AACS: variants seen among roughly 807,000 people sequenced by gnomAD.
The protein encoded by AACS is acetoacetyl-CoA synthetase.
In AACS, 69 loss-of-function variants were observed where a neutral mutation model predicts 83.1. The observed-to-expected ratio is 0.83, with a 90% CI of 0.68 to 1.01. The LOEUF is 1.01. Ranked by LOEUF, AACS falls within the 50% of genes least tolerant of loss-of-function variation. The probability of loss-of-function intolerance (pLI) is 0.00; values close to 1 mark genes in which losing one functional copy is unlikely to be tolerated. For missense variants in AACS, 866 were observed against 882.2 expected (o/e 0.98, Z 0.23); for synonymous variants, 333 against 343.4 (o/e 0.97, Z 0.33).
intron 3 of AACS, 136 bp from the exon 4 acceptor site, chr12:125,086,194 G>GTTCC: frequency 1.4e-6 from 1 of 698,384 alleles, no homozygotes; most frequent in South Asian, 1.9e-5. Context: ...TCTTGCTTGT[G>GTTCC]TTCCCTGCGT....
In AACS at chr12:125,104,842, G is replaced by A. The variant is rs1410832989; in HGVS notation, c.767+1761G>A. On this transcript the variant is annotated intron_variant, in intron 7 of 17. Transcript: ENST00000316519. ...GCTATAAAGAAATACCTGAGACTGG[G>A]TAATTTATAAGAAAAGAGGTTTAAT... 2.6e-5 allele frequency among the ~76,000 whole-genome samples: 4 copies of A among 152,318 alleles called. No homozygotes were observed. In the East Asian group the frequency reaches 5.8e-4, roughly 22 times the overall value.
intron 16 of AACS, among the ~76,000 whole-genome samples, chr12:125,136,345 C>T (rs960858422): frequency 1.2e-4 from 19 of 152,216 alleles, no homozygotes; most frequent in African/African-American, 3.9e-4. Context: ...CCACCATGCC[C>T]GGCCCTCTTT....
intron 8 of AACS, among the ~76,000 whole-genome samples, chr12:125,107,679 T>C (rs1379772767): frequency 6.6e-6 from 1 of 152,174 alleles, no homozygotes; most frequent in Non-Finnish European, 1.5e-5. Context: ...ATTAGCGCAG[T>C]GCCAGACGCA....
intron 4 of AACS, 150 bp from the exon 5 acceptor site, chr12:125,091,276 A>C: frequency 2.8e-6 from 2 of 706,630 alleles, no homozygotes; most frequent in South Asian, 3.4e-5. Flanking sequence ...CAGGCGATTC[A>C]TCTGGGCGGG....
Position 125,065,681 on chromosome 12 carries a change from C to G in AACS, c.97C>G (p.Arg33Gly). The change falls in exon 1 of 18, where the codon CGG (arginine) becomes GGG (glycine). Residue 33 changes from arginine (R) to glycine (G), a missense_variant. Physicochemically the swap from Arg to Gly is moderately radical, Grantham distance 125. Coordinates refer to ENST00000316519, the MANE Select transcript of AACS (RefSeq NM_023928.5). Reference protein sequence around the residue: ...SKKNTQMDRFRAAVGAACGLA... With the variant: ...SKKNTQMDRFGAAVGAACGLA... The stretch of plus-strand genomic sequence containing the variant: ...GAAGAACACGCAGATGGACCGCTTC[C>G]GGGCGGCTGTGGGCGCCGCCTGCGG... 6.5e-7 allele frequency: 1 copy of G among 1,544,892 alleles called. No homozygotes were observed. Among genetic ancestry groups the G allele is most frequent in the East Asian group, 2.5e-5 (1 of 40,128 alleles).
At chr12:125,107,087 T>C (rs776717043) in intron 7 of AACS, 34 bp from the exon 8 acceptor site, 29 of 1,613,492 alleles carry the variant, frequency 1.8e-5, no homozygotes, top group African/African-American at 2.7e-5. Context: ...TTCTGGGACG[T>C]TCATGGCGTG....
chr12:125,084,412 TC>T (rs1956279502), intron 3 of AACS, among the ~76,000 whole-genome samples: 1 of 151,722 alleles, frequency 6.6e-6, no homozygotes, highest in Non-Finnish European at 1.5e-5. Flanking sequence ...TTCCTTTCTT[TC>T]CTTTCTTTTC....
intron 3 of AACS, among the ~76,000 whole-genome samples, chr12:125,080,641 C>CTT (rs35100220): frequency 1 from 151,741 of 152,070 alleles, 75,707 homozygotes; most frequent in Middle Eastern, 1. Context: ...CATCTCTTCT[C>CTT]TTAAGTATTT....
At chr12:125,076,427 T>A (rs1565922824) in intron 2 of AACS, 64 bp from the exon 3 acceptor site, 3 of 1,578,840 alleles carry the variant, frequency 1.9e-6, no homozygotes, top group Non-Finnish European at 2.6e-6. Flanking sequence ...CATAGTCTCA[T>A]GTTTTGCTGA....
chr12:125,100,158 G>A (rs1956685316), intron 5 of AACS, among the ~76,000 whole-genome samples: 2 of 152,214 alleles, frequency 1.3e-5, no homozygotes, highest in East Asian at 3.9e-4. Flanking sequence ...TGGGATTACA[G>A]GTGCCCTGCT....
chr12:125,141,977 T>G (rs1394674424), intron 17 of AACS, 115 bp from the exon 18 acceptor site: 3 of 1,353,374 alleles, frequency 2.2e-6, no homozygotes, highest in East Asian at 4.6e-5. Context: ...CCGAGACCCA[T>G]TCACTCTTGG....
Position 125,113,760 on chromosome 12 carries a change from G to A in AACS, c.916-717G>A, listed in dbSNP as rs1956996391. On this transcript the variant is annotated intron_variant, in intron 8 of 17. Coordinates refer to ENST00000316519, the MANE Select transcript of AACS (RefSeq NM_023928.5). The surrounding 1 kb of genome is among the most constrained non-coding windows in gnomAD (Gnocchi z 4.8). ...GAAAGACGTTCACAGGAAACTGCTAGGACCGGCTGCCTCTTGGGAGAACTG... is the reference window on the plus strand; with the variant it reads ...GAAAGACGTTCACAGGAAACTGCTAAGACCGGCTGCCTCTTGGGAGAACTG... Among the ~76,000 whole-genome samples, 1 of 152,208 alleles carries A rather than the reference G, an allele frequency of 6.6e-6. No individual in the cohort carries two copies. The highest frequency in any genetic ancestry group is 1.5e-5 in the Non-Finnish European group (1 of 68,038).
intron 15 of AACS, 127 bp from the exon 16 acceptor site, chr12:125,134,667 G>A (rs554935975): frequency 4.6e-5 from 44 of 954,806 alleles, no homozygotes; most frequent in African/African-American, 4.2e-4. Context: ...GCTGGGGAGC[G>A]GAGTGTCCGT....
intron 2 of AACS, 107 bp from the exon 3 acceptor site, chr12:125,076,384 C>A: frequency 6.7e-7 from 1 of 1,489,442 alleles, no homozygotes; most frequent in Non-Finnish European, 9.1e-7. Context: ...AGCTGGCTTC[C>A]TGGGAAGAAG....
chr12:125,086,480 G>T, intron 4 of AACS, 37 bp downstream of exon 4: 1 of 1,592,882 alleles, frequency 6.3e-7, no homozygotes, highest in Non-Finnish European at 8.6e-7. Flanking sequence ...TTTGAGGGAG[G>T]AGACCAAGGT....
rs1256551327 is a variant in AACS at position 125,123,282 on chromosome 12, A to AGG, written c.1122-1422_1122-1421insGG. Reference sequence around the variant, plus strand: ...TGCTCAGGGCCGGGTGATCACCATTAGAGTCATGAGGTCTCCATCCTCTGT... The same window carrying AGG: ...TGCTCAGGGCCGGGTGATCACCATTAGGGAGTCATGAGGTCTCCATCCTCTGT... On this transcript the variant is annotated intron_variant, in intron 10 of 17. Transcript: ENST00000316519. The AGG allele has an allele frequency of 6.9e-4, 105 of 152,388 alleles. 3 individuals are homozygous for AGG. In the East Asian group the frequency reaches 0.016, roughly 23 times the overall value. 9.4% of individuals were successfully genotyped at this position (152,388 alleles called of 1,614,324 possible).
chr12:125,088,081 C>G (rs988961205), intron 4 of AACS, among the ~76,000 whole-genome samples: 4 of 152,104 alleles, frequency 2.6e-5, no homozygotes, highest in African/African-American at 9.7e-5. Context: ...TGTTTGTGTG[C>G]GTGTGTTCTC....
intron 1 of AACS, among the ~76,000 whole-genome samples, chr12:125,071,217 G>C (rs1468192498): frequency 6.6e-6 from 1 of 152,182 alleles, no homozygotes; most frequent in East Asian, 1.9e-4. Flanking sequence ...TTCTCCTGGA[G>C]CAGGTGACCC....
intron 7 of AACS, among the ~76,000 whole-genome samples, chr12:125,103,975 G>A (rs1210403081): frequency 6.3e-5 from 2 of 31,760 alleles, no homozygotes; most frequent in East Asian, 1.0e-3. Context: ...GCAAAAAAGC[G>A]AAACTCCGTC....
Sources: allele counts gnomAD v4.1 joint callset (sites outside exome capture counted in the v4.1 genomes callset), GRCh38; gene constraint gnomAD v4.1.1; non-coding constraint Gnocchi (gnomAD v3.1); transcripts MANE v1.5; gene names NCBI Gene and HGNC (gene_info 2026-07-23, HGNC 2026-07-21).